The following ANKRD6 variants were observed in gnomAD, a reference collection of about 807,000 sequenced individuals.
The protein encoded by ANKRD6 is ankyrin repeat domain 6.
ANKRD6 carries 56 observed loss-of-function variants against 82.3 expected under a neutral mutation model. The observed-to-expected ratio is 0.68, with a 90% CI of 0.55 to 0.85. The LOEUF (loss-of-function observed/expected upper bound fraction) is 0.85, where lower values mean the gene tolerates loss of function less well. ANKRD6 is among the 40% of genes least tolerant of loss of function. The pLI, the probability that ANKRD6 is intolerant of heterozygous loss-of-function variation, is 0.00. For missense variants in ANKRD6, 852 were observed against 907.6 expected (o/e 0.94, Z 0.79); for synonymous variants, 347 against 352.1 (o/e 0.99, Z 0.16).
At chr6:89,522,932 C>T (rs1264943210) in intron 1 of ANKRD6, among the ~76,000 whole-genome samples, 1 of 151,982 alleles carries the variant, frequency 6.6e-6, no homozygotes, top group Non-Finnish European at 1.5e-5. Context: ...CTCCTGAGAC[C>T]CAGCCTCCAG....
chr6:89,449,017 GAGACTCCGTCTCAAA>G (rs1253712057), intron 1 of ANKRD6, among the ~76,000 whole-genome samples: 1 of 132,468 alleles, frequency 7.5e-6, no homozygotes, highest in African/African-American at 3.0e-5. Context: ...GAGACACAGC[GAGACTCCGTCTCAAA>G]AAAAAAAAAA....
chr6:89,532,328 T>G (rs914329322), intron 1 of ANKRD6, among the ~76,000 whole-genome samples: 5 of 152,232 alleles, frequency 3.3e-5, no homozygotes, highest in Admixed American at 2.0e-4. Context: ...CTAACTTTTC[T>G]AATATGTTAC....
chr6:89,582,213 A>G (rs1001807190), intron 2 of ANKRD6, among the ~76,000 whole-genome samples: 1 of 152,148 alleles, frequency 6.6e-6, no homozygotes, highest in African/African-American at 2.4e-5. Context: ...ACAATTAAAA[A>G]AATTTTTTTG....
intron 1 of ANKRD6, among the ~76,000 whole-genome samples, chr6:89,485,404 T>C (rs1435156202): frequency 6.6e-6 from 1 of 152,224 alleles, no homozygotes; most frequent in Non-Finnish European, 1.5e-5. Context: ...CAGAAAATAC[T>C]GATATGGCTC....
chr6:89,527,157 G>A (rs1283155157), intron 1 of ANKRD6, among the ~76,000 whole-genome samples: 1 of 152,084 alleles, frequency 6.6e-6, no homozygotes. Context: ...TTCAGACCAC[G>A]GCATTAAGCA....
intron 2 of ANKRD6, among the ~76,000 whole-genome samples, chr6:89,587,345 C>T (rs916358822): frequency 1.3e-5 from 2 of 150,830 alleles, no homozygotes; most frequent in African/African-American, 2.4e-5. Flanking sequence ...AAAAATTAGC[C>T]GGGAGTGGTG....
intron 1 of ANKRD6, among the ~76,000 whole-genome samples, chr6:89,491,935 C>G (rs1320114473): frequency 6.6e-6 from 1 of 152,188 alleles, no homozygotes; most frequent in Non-Finnish European, 1.5e-5. Flanking sequence ...ACCATTAGAT[C>G]CTATCGCCTT....
At chr6:89,594,323 C>CA (rs1320455007) in intron 2 of ANKRD6, among the ~76,000 whole-genome samples, 1 of 152,074 alleles carries the variant, frequency 6.6e-6, no homozygotes, top group Non-Finnish European at 1.5e-5. Flanking sequence ...GGCATGGTGA[C>CA]ACATGCCTGT....
At chr6:89,568,534 T>A (rs1424195525) in intron 2 of ANKRD6, among the ~76,000 whole-genome samples, 1 of 152,238 alleles carries the variant, frequency 6.6e-6, no homozygotes, top group Non-Finnish European at 1.5e-5. Flanking sequence ...ACCACTGCTA[T>A]GCACTGAATT....
intron 13 of ANKRD6, among the ~76,000 whole-genome samples, chr6:89,626,852 TAC>T (rs1463567025): frequency 6.6e-6 from 1 of 152,250 alleles, no homozygotes; most frequent in East Asian, 1.9e-4. Flanking sequence ...AAGTTCCTTC[TAC>T]ACTCTTCTTA....
At chr6:89,571,297 G>A (rs1002352792) in intron 2 of ANKRD6, among the ~76,000 whole-genome samples, 12 of 152,104 alleles carry the variant, frequency 7.9e-5, no homozygotes, top group African/African-American at 2.9e-4. Flanking sequence ...CTCGTGATCC[G>A]CTGGCCTTGG....
intron 1 of ANKRD6, among the ~76,000 whole-genome samples, chr6:89,544,504 G>A (rs1318676239): frequency 2.6e-5 from 4 of 152,158 alleles, no homozygotes; most frequent in Non-Finnish European, 5.9e-5. Context: ...CACAAGGTCA[G>A]GAGATCGAGA....
chr6:89,443,447 A>T (rs1034800470), intron 1 of ANKRD6, among the ~76,000 whole-genome samples: 3 of 152,170 alleles, frequency 2.0e-5, no homozygotes, highest in Admixed American at 2.0e-4. Flanking sequence ...CCAGATTCTG[A>T]TGAGGTGACC....
chr6:89,538,708 A>G (rs1583164369), intron 1 of ANKRD6, among the ~76,000 whole-genome samples: 1 of 152,288 alleles, frequency 6.6e-6, no homozygotes, highest in East Asian at 1.9e-4. Flanking sequence ...GTATGGTGGG[A>G]AGTATGGTTA....
At chr6:89,440,445 C>T (rs1771230661) in intron 1 of ANKRD6, among the ~76,000 whole-genome samples, 1 of 152,320 alleles carries the variant, frequency 6.6e-6, no homozygotes, top group Admixed American at 6.5e-5. Context: ...TGTGACTAAC[C>T]TTTATCCTTC....
At chr6:89,526,434 C>A (rs1031573739) in intron 1 of ANKRD6, among the ~76,000 whole-genome samples, 1 of 152,140 alleles carries the variant, frequency 6.6e-6, no homozygotes, top group Non-Finnish European at 1.5e-5. Flanking sequence ...AGCTGTCAGC[C>A]CACAGTAGTC....
Position 89,447,332 on chromosome 6 carries a change from AT to A in ANKRD6, c.-144+13958del, listed in dbSNP as rs201589141. 5.8e-4 allele frequency among the ~76,000 whole-genome samples: 88 copies of A among 152,326 alleles called. No individual in the cohort carries two copies. In the East Asian group the frequency reaches 0.016, roughly 28 times the overall value. Reference sequence around the variant, plus strand: ...AAACAGCCTTATTGTTATTGCTGATATGGAGAAAGTTTGAGTGGTCTAGATA... The same window carrying A: ...AAACAGCCTTATTGTTATTGCTGATAGGAGAAAGTTTGAGTGGTCTAGATA... On this transcript the variant is annotated intron_variant, in intron 1 of 15. Transcript: ENST00000339746.
At chr6:89,604,316 G>A (rs548709724) in intron 4 of ANKRD6, among the ~76,000 whole-genome samples, 4 of 151,374 alleles carry the variant, frequency 2.6e-5, no homozygotes, top group East Asian at 1.9e-4. Context: ...CAACAAGAGC[G>A]AAACTCTTGT....
intron 2 of ANKRD6, 107 bp downstream of exon 2, chr6:89,567,203 T>C: frequency 8.4e-6 from 12 of 1,435,374 alleles, no homozygotes; most frequent in Non-Finnish European, 1.1e-5. Context: ...AAGAACTGGC[T>C]TTTCTTCCAA....
Sources: allele counts gnomAD v4.1 joint callset (sites outside exome capture counted in the v4.1 genomes callset), GRCh38; gene constraint gnomAD v4.1.1; transcripts MANE v1.5; gene names NCBI Gene and HGNC (gene_info 2026-07-23, HGNC 2026-07-21).